The following DNAJC6 variants were observed in gnomAD, a reference collection of about 807,000 sequenced individuals.
The protein encoded by DNAJC6 is DnaJ heat shock protein family (Hsp40) member C6, also known as auxilin.
In DNAJC6, 34 loss-of-function variants were observed where a neutral mutation model predicts 110.0. That is an observed-to-expected ratio of 0.31 (90% CI 0.24 to 0.41). DNAJC6 has a LOEUF of 0.41. DNAJC6 is among the 10% of genes least tolerant of loss of function. The pLI is 1.00. For synonymous variants in DNAJC6, 406 were observed against 437.2 expected, an observed-to-expected ratio of 0.93 and a Z score of 0.89; for missense variants, 1,031 against 1,207.8, an observed-to-expected ratio of 0.85 and a Z score of 2.17.
In DNAJC6 at chr1:65,337,896, G is replaced by T. The variant is rs535446746; in HGVS notation, c.194-26739G>T. Among the ~76,000 whole-genome samples the T allele has an allele frequency of 2.6e-5, 4 of 152,248 alleles. No homozygotes were observed. In the South Asian group the frequency reaches 8.3e-4, roughly 32 times the overall value. On this transcript the variant is annotated intron_variant, in intron 1 of 18. Coordinates refer to ENST00000371069, the MANE Select transcript of DNAJC6 (RefSeq NM_001256864.2). ...TCAGTATTCTTACTAATGACTAAATGGACCATCTTTGGTCATGGGAGCCTC... is the reference window on the plus strand; with the variant it reads ...TCAGTATTCTTACTAATGACTAAATTGACCATCTTTGGTCATGGGAGCCTC...
At chr1:65,380,916 G>GATTTTTTTTTTTTTTTTTTTTTTT (rs1553145950) in intron 5 of DNAJC6, among the ~76,000 whole-genome samples, 1 of 93,566 alleles carries the variant, frequency 1.1e-5, no homozygotes, top group African/African-American at 6.6e-5. Flanking sequence ...TTTTTGTTTT[G>GATTTTTTTTTTTTTTTTTTTTTTT]TTTTGTTTTT....
At chr1:65,333,840 A>C (rs1381540089) in intron 1 of DNAJC6, among the ~76,000 whole-genome samples, 2 of 152,202 alleles carry the variant, frequency 1.3e-5, no homozygotes, top group Non-Finnish European at 2.9e-5. Context: ...TATCATGTCA[A>C]AGGCAGAGCC....
intron 1 of DNAJC6, among the ~76,000 whole-genome samples, chr1:65,285,140 C>A (rs1196063708): frequency 6.6e-6 from 1 of 152,168 alleles, no homozygotes; most frequent in Non-Finnish European, 1.5e-5. Flanking sequence ...TTCATCTTTA[C>A]AAACTCTGAT....
At chr1:65,398,991 G>A (rs772891138) in intron 14 of DNAJC6, 110 bp downstream of exon 14, 7 of 1,116,082 alleles carry the variant, frequency 6.3e-6, no homozygotes, top group Non-Finnish European at 9.2e-6. Flanking sequence ...TGTAATTTGT[G>A]TCACTTTTTC....
intron 1 of DNAJC6, among the ~76,000 whole-genome samples, chr1:65,273,623 A>G (rs945989289): frequency 6.6e-6 from 1 of 152,126 alleles, no homozygotes; most frequent in African/African-American, 2.4e-5. Flanking sequence ...CTTAAGCTAT[A>G]TATATAATAT....
In DNAJC6 at chr1:65,384,219, G is replaced by C. The variant is rs377579176; in HGVS notation, c.693G>C (p.Leu231=). ...CLDGRAASSI[L]VGAMFIFCNL... ...ATGGACGGGCGGCATCATCAATTCT[G>C]GTTGGTGCTATGTTCATTTTCTGTA... The change falls in exon 6 of 19, where the codon CTG becomes CTC. Residue 231 remains leucine (L), a synonymous_variant. Coordinates refer to ENST00000371069, the MANE Select transcript of DNAJC6 (RefSeq NM_001256864.2). The C allele has an allele frequency of 1.3e-6, 2 of 1,558,022 alleles. No individual in the cohort carries two copies. Among genetic ancestry groups the C allele is most frequent in the East Asian group, 2.5e-5 (1 of 40,458 alleles).
intron 6 of DNAJC6, among the ~76,000 whole-genome samples, chr1:65,385,412 G>C (rs1645861822): frequency 6.6e-6 from 1 of 152,056 alleles, no homozygotes; most frequent in Non-Finnish European, 1.5e-5. Flanking sequence ...TGATAAATTG[G>C]ATCTGCTAGA....
chr1:65,319,717 C>T (rs775530666), intron 1 of DNAJC6, among the ~76,000 whole-genome samples: 10 of 152,198 alleles, frequency 6.6e-5, no homozygotes, highest in Admixed American at 5.2e-4. Context: ...CATTTGGCCA[C>T]TTGAGCATTG....
chr1:65,277,616 G>C (rs1268271665), intron 1 of DNAJC6, among the ~76,000 whole-genome samples: 2 of 152,048 alleles, frequency 1.3e-5, no homozygotes, highest in Admixed American at 6.6e-5. Context: ...AAAAAAGCAA[G>C]GGTTTTCAAA....
chr1:65,283,461 G>A (rs1049610960), intron 1 of DNAJC6, among the ~76,000 whole-genome samples: 6 of 152,126 alleles, frequency 3.9e-5, no homozygotes, highest in African/African-American at 1.4e-4. Flanking sequence ...CCAAGTCGTT[G>A]GATGTACAAC....
chr1:65,343,518 C>A (rs1462156019), intron 1 of DNAJC6, among the ~76,000 whole-genome samples: 1 of 152,276 alleles, frequency 6.6e-6, no homozygotes, highest in East Asian at 1.9e-4. Flanking sequence ...GGATATGCAT[C>A]ATCCCTTTGT....
rs572750426 is a variant in DNAJC6 at position 65,344,073 on chromosome 1, G to A, written c.194-20562G>A. Among the ~76,000 whole-genome samples the A allele has an allele frequency of 5.9e-5, 9 of 152,294 alleles. 1 individual carries two copies. In the South Asian group the frequency reaches 6.2e-4, roughly 11 times the overall value. On this transcript the variant is annotated intron_variant, in intron 1 of 18. Coordinates refer to ENST00000371069, the MANE Select transcript of DNAJC6 (RefSeq NM_001256864.2). Reference sequence around the variant, plus strand: ...ACTGTACTAGCACCTGCATTGGCCAGATGCTAAGTAGAAACAGAAGCTGCC... The same window carrying A: ...ACTGTACTAGCACCTGCATTGGCCAAATGCTAAGTAGAAACAGAAGCTGCC...
At chr1:65,318,543 A>G (rs527545612) in intron 1 of DNAJC6, among the ~76,000 whole-genome samples, 33 of 152,322 alleles carry the variant, frequency 2.2e-4, no homozygotes, top group African/African-American at 7.9e-4. Flanking sequence ...TGAGATCATG[A>G]CCTTTGCAGG....
intron 7 of DNAJC6, 133 bp downstream of exon 7, chr1:65,386,039 A>G (rs1645868923): frequency 2.2e-6 from 2 of 919,716 alleles, no homozygotes; most frequent in Admixed American, 6.0e-5. Flanking sequence ...AATGTTCAAC[A>G]TCAGTGGTAA....
At chr1:65,407,004 C>G (rs1194086662) in intron 16 of DNAJC6, among the ~76,000 whole-genome samples, 1 of 152,158 alleles carries the variant, frequency 6.6e-6, no homozygotes, top group Non-Finnish European at 1.5e-5. Context: ...CAGGCATCCC[C>G]CTTTATTTGT....
At chr1:65,360,989 T>C (rs150063658) in intron 1 of DNAJC6, among the ~76,000 whole-genome samples, 1 of 152,248 alleles carries the variant, frequency 6.6e-6, no homozygotes, top group East Asian at 1.9e-4. Flanking sequence ...TCATCTTGAT[T>C]ATAGTTGTTG....
intron 1 of DNAJC6, among the ~76,000 whole-genome samples, chr1:65,327,083 G>A (rs534103178): frequency 6.6e-6 from 1 of 152,264 alleles, no homozygotes; most frequent in Non-Finnish European, 1.5e-5. Flanking sequence ...AAAAGTAAGA[G>A]GGTTGATGAA....
chr1:65,360,296 G>C (rs139437197), intron 1 of DNAJC6, among the ~76,000 whole-genome samples: 1 of 152,250 alleles, frequency 6.6e-6, no homozygotes, highest in Non-Finnish European at 1.5e-5. Flanking sequence ...AATATATGAA[G>C]GTTACAGATG....
In DNAJC6 at chr1:65,415,031, T is replaced by C. The variant is rs1646158762; in HGVS notation, c.*2006T>C. ...GAATCTTACTTAAATTTGGAGATTT[T>C]CCCCCACATCTCTTTTCCGGATACA... On this transcript the variant is annotated 3_prime_UTR_variant, in exon 19 of 19. Coordinates refer to ENST00000371069, the MANE Select transcript of DNAJC6 (RefSeq NM_001256864.2). 6.6e-6 allele frequency: 1 copy of C among 152,178 alleles called. No individual in the cohort carries two copies. Among genetic ancestry groups the C allele is most frequent in the Non-Finnish European group, 1.5e-5 (1 of 68,008 alleles). The allele number at this position is 152,178 out of a possible 1,614,324, so 9.4% of individuals were successfully genotyped here.
Sources: allele counts gnomAD v4.1 joint callset (sites outside exome capture counted in the v4.1 genomes callset), GRCh38; gene constraint gnomAD v4.1.1; transcripts MANE v1.5; gene names NCBI Gene and HGNC (gene_info 2026-07-23, HGNC 2026-07-21).